The following NRXN2 variants were observed in gnomAD, a reference collection of about 807,000 sequenced individuals.
NRXN2 encodes the protein neurexin-2-beta.
In NRXN2, 29 loss-of-function variants were observed where a neutral mutation model predicts 128.8. The ratio of observed to expected loss-of-function variants is 0.23; its 90% CI spans 0.17 to 0.31. The LOEUF is 0.31. Among genes scored for constraint, NRXN2 ranks in the 10% least tolerant of loss-of-function variants. The probability of loss-of-function intolerance (pLI) is 1.00; values close to 1 mark genes in which losing one functional copy is unlikely to be tolerated. For synonymous variants in NRXN2, 1,098 were observed against 1,075.2 expected, an observed-to-expected ratio of 1.02 and a Z score of -0.41; for missense variants, 1,881 against 2,452.6, an observed-to-expected ratio of 0.77 and a Z score of 4.92.
At chr11:64,687,771 G>C (rs377408651) in intron 5 of NRXN2, among the ~76,000 whole-genome samples, 2 of 152,286 alleles carry the variant, frequency 1.3e-5, no homozygotes, top group African/African-American at 4.8e-5. Flanking sequence ...CGGCTATCTG[G>C]ATAAAGAAAA....
At chr11:64,639,477 C>T (rs940933451) in intron 17 of NRXN2, among the ~76,000 whole-genome samples, 3 of 152,096 alleles carry the variant, frequency 2.0e-5, no homozygotes, top group East Asian at 1.9e-4. Flanking sequence ...ATTCCTGGCC[C>T]GACAGTACCA....
At chr11:64,638,029 C>G (rs1156553318) in intron 17 of NRXN2, among the ~76,000 whole-genome samples, 1 of 152,132 alleles carries the variant, frequency 6.6e-6, no homozygotes, top group East Asian at 1.9e-4. Context: ...GAGGCAGACC[C>G]CCGACAGGAG....
In NRXN2 at chr11:64,630,589, TG is replaced by T; in HGVS notation, c.3586-17del. The T allele has an allele frequency of 1.9e-6, 3 of 1,613,390 alleles. No individual in the cohort carries two copies. Among genetic ancestry groups the T allele is most frequent in the Non-Finnish European group, 2.5e-6 (3 of 1,179,914 alleles). On this transcript the variant is annotated splice_polypyrimidine_tract_variant and intron_variant, in intron 18 of 22. Transcript: ENST00000265459. The surrounding 1 kb of genome is among the most constrained non-coding windows in gnomAD (Gnocchi z 4.6). ...TGCCCTGGTCCTGGGGACATGGAGG[TG>T]GAGGTCAGCGACCAGAGGGAGCAAC...
rs765837847 is a variant in NRXN2, at chr11:64,660,557, G to A, written c.2186-22C>T. 14 of 1,612,734 alleles carry A rather than the reference G, an allele frequency of 8.7e-6. No individual in the cohort carries two copies. Among genetic ancestry groups the A allele is most frequent in the South Asian group, 3.3e-5 (3 of 91,054 alleles). ...GCCTCTGCCCACAGGAGTTGGGGAA[G>A]AGGGAAGGAGAAGACAGGCAGAGGC... On this transcript the variant is annotated intron_variant, in intron 10 of 22. Coordinates refer to ENST00000265459, the MANE Select transcript of NRXN2 (RefSeq NM_015080.4). The surrounding 1 kb of genome is among the most constrained non-coding windows in gnomAD (Gnocchi z 5.2).
chr11:64,667,596 G>C lies in NRXN2; in HGVS notation c.1452C>G (p.Phe484Leu). ...PKMKLQGDLS[F>L]RCEDVAALDP... ...CCAGGGCAGCCACATCCTCACAGCG[G>C]AATGACAAGTCCCCCTGCAGCTTCA... The change falls in exon 9 of 23, where the codon TTC (phenylalanine) becomes TTG (leucine). Residue 484 changes from phenylalanine to leucine, a missense_variant. By Grantham distance (22) the Phe-to-Leu change is conservative. Coordinates refer to ENST00000265459, the MANE Select transcript of NRXN2 (RefSeq NM_015080.4). The surrounding 1 kb of genome is among the most constrained non-coding windows in gnomAD (Gnocchi z 5.6). 1 of 1,614,220 alleles carries C rather than the reference G, an allele frequency of 6.2e-7. No homozygotes were observed. Among genetic ancestry groups the C allele is most frequent in the Non-Finnish European group, 8.5e-7 (1 of 1,180,042 alleles).
rs779503968 is a variant in NRXN2, at chr11:64,685,704, T to C, written c.1094A>G (p.Asn365Ser). The change falls in exon 6 of 23, where the codon AAT becomes AGT. Residue 365 changes from asparagine (N) to serine (S), a missense_variant. Around this residue, in one of 7 missense-constraint regions of NRXN2, gnomAD observed 997 missense variants for 1,240.8 expected, o/e 0.80. Coordinates refer to ENST00000265459, the MANE Select transcript of NRXN2 (RefSeq NM_015080.4). ...CCAGGCGTTGTCGTTGAACTTGCCA[T>C]TGACGGGTTCCACAAGGGCCTCGAA... is the stretch of plus-strand genomic sequence containing the variant. ...GAFEALVEPV[N>S]GKFNDNAWHD... The C allele has an allele frequency of 6.2e-7, 1 of 1,614,226 alleles. No individual in the cohort carries two copies. Among genetic ancestry groups the C allele is most frequent in the South Asian group, 1.1e-5 (1 of 91,084 alleles).
chr11:64,652,536 T>C (rs750263008), intron 12 of NRXN2, among the ~76,000 whole-genome samples: 4 of 152,116 alleles, frequency 2.6e-5, no homozygotes, highest in Non-Finnish European at 5.9e-5. Flanking sequence ...TTCCCCCAGA[T>C]TCCTAAGGGC....
At position 64,651,141 on chromosome 11, in the gene NRXN2, G is replaced by A. The variant is rs2047407570; in HGVS notation, c.2918+114C>T. The A allele has an allele frequency of 1.4e-6, 2 of 1,444,958 alleles. No homozygotes were observed. Among genetic ancestry groups the A allele is most frequent in the Non-Finnish European group, 1.9e-6 (2 of 1,041,228 alleles). The allele number at this position is 1,444,958 out of a possible 1,614,324, so 89.5% of individuals were successfully genotyped here. On this transcript the variant is annotated intron_variant, in intron 14 of 22. Transcript: ENST00000265459. The surrounding 1 kb of genome is among the most constrained non-coding windows in gnomAD (Gnocchi z 5.9). ...ACTTACGGTCGGGGACCTGAATCTT[G>A]ACTTGTGATCTGGGGGGATTGGACA...
At chr11:64,682,867 A>C (rs987933617) in intron 6 of NRXN2, among the ~76,000 whole-genome samples, 2 of 152,132 alleles carry the variant, frequency 1.3e-5, no homozygotes, top group African/African-American at 2.4e-5. Context: ...AAGGAGAGAG[A>C]GGAGAGAAGG....
In NRXN2 at chr11:64,606,276, T is replaced by C. The variant is rs1014412870; in HGVS notation, c.*920A>G. ...TTGTTAACAAAGAGAGAAAAAAAACTGGGGGAGCAGGGAGCCCGTGGGCAA... is the reference window on the plus strand; with the variant it reads ...TTGTTAACAAAGAGAGAAAAAAAACCGGGGGAGCAGGGAGCCCGTGGGCAA... On this transcript the variant is annotated 3_prime_UTR_variant, in exon 23 of 23. Coordinates refer to ENST00000265459, the MANE Select transcript of NRXN2 (RefSeq NM_015080.4). 6.6e-6 allele frequency: 1 copy of C among 152,490 alleles called. No homozygotes were observed. The highest frequency in any genetic ancestry group is 2.4e-5 in the African/African-American group (1 of 41,424). The allele number at this position is 152,490 out of a possible 1,614,324, so 9.4% of individuals were successfully genotyped here.
At chr11:64,633,792 C>A (rs569257816) in intron 18 of NRXN2, among the ~76,000 whole-genome samples, 1 of 152,302 alleles carries the variant, frequency 6.6e-6, no homozygotes, top group East Asian at 1.9e-4. Context: ...CTGTCTTTCG[C>A]TTGCCAGCTG....
intron 22 of NRXN2, among the ~76,000 whole-genome samples, chr11:64,618,889 G>A (rs2041922015): frequency 6.6e-6 from 1 of 152,160 alleles, no homozygotes; most frequent in South Asian, 2.1e-4. Flanking sequence ...GACATGGAGG[G>A]CAACTGGGCT....
At chr11:64,684,415 G>A (rs1224398648) in intron 6 of NRXN2, among the ~76,000 whole-genome samples, 1 of 152,162 alleles carries the variant, frequency 6.6e-6, no homozygotes, top group Non-Finnish European at 1.5e-5. Context: ...CACCAAGCAC[G>A]TCACTCTGTG....
In NRXN2 at chr11:64,607,373, G is replaced by T; in HGVS notation, c.4962C>A (p.Leu1654=). The T allele has an allele frequency of 1.9e-6, 3 of 1,613,746 alleles. No individual in the cohort carries two copies. Among genetic ancestry groups the T allele is most frequent in the Non-Finnish European group, 2.5e-6 (3 of 1,179,958 alleles). Residue 1654 remains leucine (L), a synonymous_variant, in exon 23 of 23, where the codon CTC becomes CTA. Transcript: ENST00000265459. ...AAAALCILIL[L]YAMYKYRNRD... ...GATTGCGGTACTTATACATGGCGTA[G>T]AGGAGGATGAGGATGCAGAGCGCCG...
At chr11:64,636,494 G>C (rs895632049) in intron 17 of NRXN2, among the ~76,000 whole-genome samples, 2 of 152,140 alleles carry the variant, frequency 1.3e-5, no homozygotes, top group South Asian at 4.1e-4. Context: ...CTGCAGAGAA[G>C]GGAAGGGTAG....
intron 11 of NRXN2, among the ~76,000 whole-genome samples, chr11:64,656,395 C>A (rs1398726534): frequency 6.6e-6 from 1 of 152,104 alleles, no homozygotes; most frequent in Non-Finnish European, 1.5e-5. Context: ...GGGAATTTCA[C>A]AATAAGTGGG....
chr11:64,703,224 C>T (rs761662542), intron 2 of NRXN2, among the ~76,000 whole-genome samples: 2 of 152,110 alleles, frequency 1.3e-5, no homozygotes, highest in Non-Finnish European at 2.9e-5. Context: ...TATCCAGCTG[C>T]TTACATGGCT....
rs201544095 is a variant in NRXN2 at position 64,667,595 on chromosome 11, G to A, written c.1453C>T (p.Arg485Cys). 45 of 1,614,210 alleles carry A rather than the reference G, an allele frequency of 2.8e-5. No individual in the cohort carries two copies. Among genetic ancestry groups the A allele is most frequent in the African/African-American group, 5.3e-5 (4 of 75,058 alleles). The change falls in exon 9 of 23, where the codon CGC becomes TGC. Residue 485 changes from arginine (R) to cysteine (C), a missense_variant. By Grantham distance (180) the Arg-to-Cys change is radical. Around this residue, in one of 7 missense-constraint regions of NRXN2, gnomAD observed 997 missense variants for 1,240.8 expected, o/e 0.80. Coordinates refer to ENST00000265459, the MANE Select transcript of NRXN2 (RefSeq NM_015080.4). The surrounding 1 kb of genome is among the most constrained non-coding windows in gnomAD (Gnocchi z 5.6). ...KMKLQGDLSF[R>C]CEDVAALDPV... ...TCCAGGGCAGCCACATCCTCACAGC[G>A]GAATGACAAGTCCCCCTGCAGCTTC...
rs115179743 is a variant in NRXN2, at chr11:64,620,996, G to A, written c.4174-624C>T. On this transcript the variant is annotated intron_variant, in intron 21 of 22. Transcript: ENST00000265459. ...GAGTGAGTGTAAGGAGGAGGGGGGCGCTCAGGGGCATGAAGGAGGAGACCC... is the reference window on the plus strand; with the variant it reads ...GAGTGAGTGTAAGGAGGAGGGGGGCACTCAGGGGCATGAAGGAGGAGACCC... 2.8e-3 allele frequency among the ~76,000 whole-genome samples: 430 copies of A among 151,846 alleles called. 3 individuals carry two copies. Among genetic ancestry groups the A allele is most frequent in the African/African-American group, 1.0e-2 (412 of 41,360 alleles).
Sources: allele counts gnomAD v4.1 joint callset (sites outside exome capture counted in the v4.1 genomes callset), GRCh38; gene constraint gnomAD v4.1.1; regional missense constraint gnomAD v4.1.1; non-coding constraint Gnocchi (gnomAD v3.1); transcripts MANE v1.5; gene names NCBI Gene and HGNC (gene_info 2026-07-23, HGNC 2026-07-21).